The following LRRK2 variants were observed in gnomAD, a reference collection of about 807,000 sequenced individuals.
LRRK2 encodes the protein leucine rich repeat kinase 2.
Under a neutral mutation model 302.6 loss-of-function variants are expected in LRRK2, and 203 were observed. That is an observed-to-expected ratio of 0.67 (90% CI 0.60 to 0.75). The LOEUF (loss-of-function observed/expected upper bound fraction) is 0.75. Ranked by LOEUF, LRRK2 falls within the 30% of genes least tolerant of loss-of-function variation. The probability of loss-of-function intolerance (pLI) is 0.00; values close to 1 mark genes in which losing one functional copy is unlikely to be tolerated. For synonymous variants in LRRK2, 1,066 were observed against 1,031.9 expected, an observed-to-expected ratio of 1.03 and a Z score of -0.63; for missense variants, 2,830 against 2,951.0, an observed-to-expected ratio of 0.96 and a Z score of 0.95.
intron 27 of LRRK2, among the ~76,000 whole-genome samples, 180 bp from the exon 28 acceptor site, chr12:40,305,605 T>C (rs2136792210): frequency 6.6e-6 from 1 of 152,280 alleles, no homozygotes; most frequent in South Asian, 2.1e-4. Context: ...TAAGTTTTTA[T>C]GTTTTTAAAC....
At chr12:40,309,859 T>C (rs1944977625) in intron 30 of LRRK2, among the ~76,000 whole-genome samples, 1 of 152,198 alleles carries the variant, frequency 6.6e-6, no homozygotes, top group Non-Finnish European at 1.5e-5. Context: ...AACCATGTAA[T>C]TGGCTGCATA....
At chr12:40,251,105 A>G (rs1213467104) in intron 8 of LRRK2, 127 bp from the exon 9 acceptor site, 9 of 597,174 alleles carry the variant, frequency 1.5e-5, no homozygotes, top group Non-Finnish European at 2.3e-5. Context: ...TTTATAATTG[A>G]CCAAGGCTTC....
intron 14 of LRRK2, among the ~76,000 whole-genome samples, chr12:40,267,645 C>T (rs770746160): frequency 2.6e-5 from 4 of 152,128 alleles, no homozygotes; most frequent in Non-Finnish European, 5.9e-5. Flanking sequence ...CATGCCAGTA[C>T]TGACGCACAG....
chr12:40,225,545 T>A lies in LRRK2; in HGVS notation c.152-10T>A, dbSNP rs1334222734. On this transcript the variant is annotated splice_polypyrimidine_tract_variant and intron_variant, in intron 1 of 50. Transcript: ENST00000298910. The stretch of plus-strand genomic sequence containing the variant: ...ACTTTGCTTCTTTTCCCCACCCACT[T>A]GTTTTCCAGCCTCCAAGTTATTTCA... 1 of 1,612,426 alleles carries A rather than the reference T, an allele frequency of 6.2e-7. No homozygotes were observed. The highest frequency in any genetic ancestry group is 1.7e-5 in the Admixed American group (1 of 60,020).
chr12:40,343,280 A>G (rs1357386446), intron 41 of LRRK2, among the ~76,000 whole-genome samples: 1 of 152,004 alleles, frequency 6.6e-6, no homozygotes, highest in East Asian at 1.9e-4. Context: ...ATACATTTAT[A>G]TCATATCCTG....
chr12:40,232,805 A>G lies in LRRK2; in HGVS notation c.347+422A>G, dbSNP rs139325733. 2.8e-3 allele frequency: 458 copies of G among 162,598 alleles called. 4 individuals are homozygous for G. Among genetic ancestry groups the G allele is most frequent in the African/African-American group, 0.01 (417 of 41,604 alleles). The allele number at this position is 162,598 out of a possible 1,614,324, so 10.1% of individuals were successfully genotyped here. A position where few individuals can be genotyped will look rare whatever the true frequency, so the allele number is the denominator to read the frequency against. ...AAAGTTGATGTTCTACTGTCTTTAAATAGTACATTTATATATATATTCCTA... is the reference window on the plus strand; with the variant it reads ...AAAGTTGATGTTCTACTGTCTTTAAGTAGTACATTTATATATATATTCCTA... On this transcript the variant is annotated intron_variant, in intron 3 of 50. Coordinates refer to ENST00000298910, the MANE Select transcript of LRRK2 (RefSeq NM_198578.4).
chr12:40,261,387 C>T (rs1942767245), intron 13 of LRRK2, among the ~76,000 whole-genome samples: 1 of 152,024 alleles, frequency 6.6e-6, no homozygotes, highest in African/African-American at 2.4e-5. Flanking sequence ...TTTTATTGTT[C>T]TTAAACTGAT....
At chr12:40,356,319 T>G (rs1946537972) in intron 46 of LRRK2, 132 bp downstream of exon 46, 1 of 660,334 alleles carries the variant, frequency 1.5e-6, no homozygotes, top group East Asian at 2.8e-5. Context: ...TTGTATTGCT[T>G]CATAAAATCT....
chr12:40,309,909 T>C (rs770014386), intron 30 of LRRK2, among the ~76,000 whole-genome samples: 2 of 152,206 alleles, frequency 1.3e-5, no homozygotes, highest in Non-Finnish European at 2.9e-5. Flanking sequence ...TAATGTTTCT[T>C]TTATTAACTT....
chr12:40,355,841 G>A (rs1344767165), intron 45 of LRRK2, among the ~76,000 whole-genome samples: 1 of 152,108 alleles, frequency 6.6e-6, no homozygotes, highest in Non-Finnish European at 1.5e-5. Context: ...ACCACGCCAG[G>A]CCTCTGTCTT....
intron 41 of LRRK2, among the ~76,000 whole-genome samples, chr12:40,342,269 A>G (rs1202443339): frequency 6.6e-6 from 1 of 152,156 alleles, no homozygotes; most frequent in Non-Finnish European, 1.5e-5. Context: ...CATTTTCAGT[A>G]TCTGACTTCC....
In LRRK2 at chr12:40,258,895, G is replaced by T. The variant is rs527376154; in HGVS notation, c.1419-585G>T. Among the ~76,000 whole-genome samples the T allele has an allele frequency of 5.9e-5, 9 of 152,296 alleles. No homozygotes were observed. In the East Asian group the frequency reaches 1.2e-3, roughly 20 times the overall value. On this transcript the variant is annotated intron_variant, in intron 12 of 50. Transcript: ENST00000298910. ...CAAAGCAAGGATTGACTGTATTAAA[G>T]TTCATAGTACCTACTGCATTCTAGT... is the stretch of plus-strand genomic sequence containing the variant.
In LRRK2 at chr12:40,346,929, T is replaced by A. The variant is rs1946204979; in HGVS notation, c.6280+6T>A. 5 of 1,607,690 alleles carry A rather than the reference T, an allele frequency of 3.1e-6. No individual in the cohort carries two copies. The East Asian group carries it at 1.1e-4, about 36-fold the overall frequency. On this transcript the variant is annotated splice_donor_region_variant and intron_variant, in intron 42 of 50. Coordinates refer to ENST00000298910, the MANE Select transcript of LRRK2 (RefSeq NM_198578.4). ...AATACAAGGAAAATTACCTGGTAAG[T>A]TCTGTTTTCTCTACAATGAAGATTT...
intron 13 of LRRK2, 138 bp downstream of exon 13, chr12:40,259,742 A>G: frequency 1.9e-6 from 2 of 1,072,694 alleles, no homozygotes; most frequent in South Asian, 2.8e-5. Context: ...TTAAACCAAA[A>G]AGAGGTTAAA....
At chr12:40,269,341 G>A (rs1565697074) in intron 14 of LRRK2, among the ~76,000 whole-genome samples, 1 of 152,144 alleles carries the variant, frequency 6.6e-6, no homozygotes. Context: ...GTATTTAGTA[G>A]TTAGGTTGAA....
chr12:40,240,578 C>T lies in LRRK2; in HGVS notation c.667C>T (p.Leu223Phe). ...TTTTAAAGATGAAGAGGAAATTGTGCTTCATGTGCTGCATTGTTTACATTC... is the reference window on the plus strand; with the variant it reads ...TTTTAAAGATGAAGAGGAAATTGTGTTTCATGTGCTGCATTGTTTACATTC... ...TNFKDEEEIVLHVLHCLHSLA... is the reference protein window; with the variant it reads ...TNFKDEEEIVFHVLHCLHSLA... Residue 223 changes from leucine (L) to phenylalanine (F), a missense_variant, in exon 6 of 51, where the codon CTT becomes TTT. This residue lies in a region of LRRK2 where 2,121 missense variants were observed against 2,148.0 expected (regional missense o/e 0.99). Transcript: ENST00000298910. 6.2e-7 allele frequency: 1 copy of T among 1,613,322 alleles called. No homozygotes were observed. The highest frequency in any genetic ancestry group is 8.5e-7 in the Non-Finnish European group (1 of 1,179,584).
At position 40,225,111 on chromosome 12, in the gene LRRK2, G is replaced by C; in HGVS notation, c.-21G>C. On this transcript the variant is annotated 5_prime_UTR_variant, in exon 1 of 51. Coordinates refer to ENST00000298910, the MANE Select transcript of LRRK2 (RefSeq NM_198578.4). ...CGGACGTTCATGCTGGGAGGGCGGC[G>C]GGTTGGAAGCAGGTGCCACCATGGC... 1.9e-6 allele frequency: 3 copies of C among 1,613,194 alleles called. No individual in the cohort carries two copies. Among genetic ancestry groups the C allele is most frequent in the Non-Finnish European group, 2.5e-6 (3 of 1,179,960 alleles).
chr12:40,271,675 A>T (rs1267560146), intron 14 of LRRK2, among the ~76,000 whole-genome samples: 3 of 152,188 alleles, frequency 2.0e-5, no homozygotes, highest in Non-Finnish European at 4.4e-5. Context: ...AAATATCATG[A>T]TAGTCATACC....
intron 43 of LRRK2, 96 bp downstream of exon 43, chr12:40,348,605 C>T: frequency 6.4e-6 from 5 of 785,352 alleles, no homozygotes; most frequent in South Asian, 1.7e-5. Context: ...AACACATAAA[C>T]ACACAGAGAC....
Sources: gnomAD v4.1 joint callset for allele counts (sites outside exome capture counted in the v4.1 genomes callset) on GRCh38, gnomAD v4.1.1 for gene constraint, gnomAD v4.1.1 regional missense constraint, MANE v1.5 for transcripts, NCBI Gene and HGNC (gene_info 2026-07-23, HGNC 2026-07-21) for gene names.